NRXN3: variants seen among roughly 807,000 people sequenced by gnomAD.
NRXN3 encodes the protein neurexin III.
In NRXN3, 32 loss-of-function variants were observed where a neutral mutation model predicts 137.6. The observed-to-expected ratio is 0.23, with a 90% CI of 0.18 to 0.31. The LOEUF is 0.31. NRXN3 is among the 10% of genes least tolerant of loss of function. The pLI, the probability that NRXN3 is intolerant of heterozygous loss-of-function variation, is 1.00. For missense variants in NRXN3, 1,574 were observed against 2,062.5 expected (o/e 0.76, Z 4.59); for synonymous variants, 798 against 784.5 (o/e 1.02, Z -0.29).
At chr14:79,676,894 G>T (rs1001802670) in intron 17 of NRXN3, among the ~76,000 whole-genome samples, 3 of 151,950 alleles carry the variant, frequency 2.0e-5, no homozygotes, top group Non-Finnish European at 2.9e-5. Context: ...TATAGTGCAA[G>T]AAAAGTGGTC....
intron 10 of NRXN3, among the ~76,000 whole-genome samples, chr14:78,835,879 A>G (rs1470718667): frequency 6.6e-6 from 1 of 152,052 alleles, no homozygotes; most frequent in Non-Finnish European, 1.5e-5. Flanking sequence ...TAGTAAGGTG[A>G]TCCTCTCTTA....
chr14:78,777,060 T>C (rs1476068018), intron 8 of NRXN3, among the ~76,000 whole-genome samples: 1 of 152,196 alleles, frequency 6.6e-6, no homozygotes, highest in Non-Finnish European at 1.5e-5. Flanking sequence ...TTCATGTACA[T>C]ATATTATTCA....
intron 4 of NRXN3, among the ~76,000 whole-genome samples, chr14:78,388,681 A>G (rs997529843): frequency 1.2e-4 from 18 of 152,138 alleles, no homozygotes; most frequent in African/African-American, 4.3e-4. Context: ...TTTACTATCT[A>G]ACCCTTTATA....
intron 10 of NRXN3, among the ~76,000 whole-genome samples, chr14:78,915,271 A>T (rs929261250): frequency 6.9e-6 from 1 of 144,824 alleles, no homozygotes; most frequent in African/African-American, 2.6e-5. Context: ...TTTATAAAAC[A>T]CTGGTATTTA....
At chr14:78,747,619 G>C (rs1202917155) in intron 8 of NRXN3, among the ~76,000 whole-genome samples, 2 of 152,250 alleles carry the variant, frequency 1.3e-5, no homozygotes, top group South Asian at 4.1e-4. Context: ...CATCCCATCT[G>C]TATTTTTTCT....
chr14:79,850,319 A>C (rs182277023), intron 20 of NRXN3, among the ~76,000 whole-genome samples: 7 of 152,284 alleles, frequency 4.6e-5, no homozygotes, highest in Non-Finnish European at 1.0e-4. Context: ...TGTTATGTAA[A>C]GTAACTCACT....
intron 15 of NRXN3, among the ~76,000 whole-genome samples, chr14:79,041,147 G>T (rs1428630568): frequency 6.6e-6 from 1 of 152,104 alleles, no homozygotes; most frequent in African/African-American, 2.4e-5. Context: ...TGGGCTATGT[G>T]CTTAAAAAAC....
intron 8 of NRXN3, among the ~76,000 whole-genome samples, chr14:78,800,939 T>C (rs2098836865): frequency 6.6e-6 from 1 of 152,216 alleles, no homozygotes; most frequent in African/African-American, 2.4e-5. Flanking sequence ...GTCCTTTGAT[T>C]TTATTCCGGT....
intron 9 of NRXN3, among the ~76,000 whole-genome samples, chr14:78,805,124 C>T (rs1275748124): frequency 6.6e-6 from 1 of 152,016 alleles, no homozygotes; most frequent in Non-Finnish European, 1.5e-5. Context: ...ATCTCTGGGA[C>T]ACAAAGGACT....
intron 4 of NRXN3, among the ~76,000 whole-genome samples, chr14:78,580,218 A>G (rs1468848078): frequency 6.6e-6 from 1 of 152,094 alleles, no homozygotes; most frequent in African/African-American, 2.4e-5. Context: ...GAATATTAGG[A>G]GGTGGAGACA....
Position 79,035,930 on chromosome 14 carries a change from CAGT to C in NRXN3, c.3262+47792_3262+47794del, listed in dbSNP as rs916104907. Among the ~76,000 whole-genome samples, 4 of 151,988 alleles carry C rather than the reference CAGT, an allele frequency of 2.6e-5. 1 individual carries two copies. The highest frequency in any genetic ancestry group is 2.9e-5 in the Non-Finnish European group (2 of 67,946). ...GATGTGTAGGTATTTTAAATGCTAA[CAGT>C]AGAATTTTAGTATCTAGTTAATAAC... On this transcript the variant is annotated intron_variant, in intron 15 of 20. Coordinates refer to ENST00000335750, the MANE Select transcript of NRXN3 (RefSeq NM_001330195.2).
intron 20 of NRXN3, among the ~76,000 whole-genome samples, chr14:79,840,201 A>G (rs1177956462): frequency 2.0e-5 from 3 of 152,148 alleles, no homozygotes; most frequent in African/African-American, 7.2e-5. Context: ...TCTGAGGTAA[A>G]AAGAGCAAAC....
chr14:78,449,911 C>G (rs925589926), intron 4 of NRXN3, among the ~76,000 whole-genome samples: 1 of 152,140 alleles, frequency 6.6e-6, no homozygotes, highest in Non-Finnish European at 1.5e-5. Flanking sequence ...TTCTTTGTAT[C>G]CCACTAAGGA....
At chr14:78,974,548 T>A (rs1037834137) in intron 14 of NRXN3, among the ~76,000 whole-genome samples, 4 of 152,314 alleles carry the variant, frequency 2.6e-5, no homozygotes, top group Admixed American at 1.3e-4. Context: ...CATAGTGGTT[T>A]GGAATATATT....
chr14:79,002,104 G>A (rs1208475447), intron 15 of NRXN3, among the ~76,000 whole-genome samples: 1 of 152,132 alleles, frequency 6.6e-6, no homozygotes, highest in Non-Finnish European at 1.5e-5. Flanking sequence ...TGTAGAAGAG[G>A]TTGTGTGTGG....
At chr14:78,695,036 G>C (rs754970940) in intron 6 of NRXN3, among the ~76,000 whole-genome samples, 5 of 152,006 alleles carry the variant, frequency 3.3e-5, no homozygotes, top group African/African-American at 4.8e-5. Flanking sequence ...TGTTAACAGG[G>C]CTGCATGTCC....
chr14:78,844,637 TTAGTTGCTG>T (rs1276461616), intron 10 of NRXN3, among the ~76,000 whole-genome samples: 2 of 152,140 alleles, frequency 1.3e-5, no homozygotes, highest in African/African-American at 4.8e-5. Context: ...CTTAGCATAA[TTAGTTGCTG>T]TAGTTCCAGG....
At chr14:79,407,700 T>A (rs2095340972) in intron 15 of NRXN3, among the ~76,000 whole-genome samples, 2 of 152,202 alleles carry the variant, frequency 1.3e-5, no homozygotes, top group South Asian at 4.2e-4. Flanking sequence ...GAAGCAAGAT[T>A]CTTGGGCAGT....
intron 20 of NRXN3, among the ~76,000 whole-genome samples, chr14:79,839,227 AC>A (rs1344695786): frequency 6.6e-6 from 1 of 151,962 alleles, no homozygotes; most frequent in African/African-American, 2.4e-5. Context: ...ACACAAAAAA[AC>A]CTGACCCATT....
Sources: gnomAD v4.1 joint callset for allele counts (sites outside exome capture counted in the v4.1 genomes callset) on GRCh38, gnomAD v4.1.1 for gene constraint, MANE v1.5 for transcripts, NCBI Gene and HGNC (gene_info 2026-07-23, HGNC 2026-07-21) for gene names.